KLF8: variants seen among roughly 807,000 people sequenced by gnomAD.
KLF8 encodes KLF transcription factor 8.
KLF8 carries 10 observed loss-of-function variants against 18.2 expected under a neutral mutation model. The observed-to-expected ratio is 0.55, with a 90% CI of 0.34 to 0.93. The LOEUF is 0.93. Ranked by LOEUF, KLF8 falls within the 40% of genes least tolerant of loss-of-function variation. The pLI, the probability that KLF8 is intolerant of heterozygous loss-of-function variation, is 0.02. For synonymous variants in KLF8, 109 were observed against 97.3 expected, an observed-to-expected ratio of 1.12 and a Z score of -0.71; for missense variants, 264 against 277.9, an observed-to-expected ratio of 0.95 and a Z score of 0.36.
At chrX:56,111,925 G>A in the KLF8 span, among the ~76,000 whole-genome samples, 8 of 111,967 alleles carry the variant, frequency 7.1e-5, no homozygotes, top group East Asian at 2.8e-4. Flanking sequence ...ACAGTATGGC[G>A]ATTCCTCAAG....
the KLF8 span, among the ~76,000 whole-genome samples, chrX:56,198,703 T>C: frequency 8.9e-6 from 1 of 112,047 alleles, no homozygotes; most frequent in Non-Finnish European, 1.9e-5. Context: ...CCCATCAAGC[T>C]ACCAAGGACT....
At chrX:56,263,253 G>T (rs1450180971) in intron 2 of KLF8, among the ~76,000 whole-genome samples, 1 of 111,718 alleles carries the variant, frequency 9.0e-6, no homozygotes, top group Non-Finnish European at 1.9e-5. Context: ...GGTTACATTT[G>T]CAGTATGTGA....
chrX:56,198,143 A>G, the KLF8 span, among the ~76,000 whole-genome samples: 4 of 112,121 alleles, frequency 3.6e-5, no homozygotes, highest in East Asian at 2.8e-4. Flanking sequence ...TACTGAATGG[A>G]CAAAAACTGG....
At chrX:55,977,726 G>T in the KLF8 span, among the ~76,000 whole-genome samples, 1 of 111,610 alleles carries the variant, frequency 9.0e-6, no homozygotes, top group Admixed American at 9.6e-5. Context: ...CCATTGGAAG[G>T]TATAAAGAAA....
chrX:56,050,397 G>A, the KLF8 span, among the ~76,000 whole-genome samples: 2 of 111,832 alleles, frequency 1.8e-5, no homozygotes, highest in Non-Finnish European at 3.8e-5. Flanking sequence ...TTTCTCTTGT[G>A]GGCATTTAGT....
chrX:56,234,226 G>T (rs1179373503), intron 1 of KLF8, among the ~76,000 whole-genome samples: 3 of 112,150 alleles, frequency 2.7e-5, no homozygotes, highest in Non-Finnish European at 5.6e-5. Flanking sequence ...TGAGCAAAAA[G>T]AATAATCTTT....
chrX:56,211,037 C>G, the KLF8 span, among the ~76,000 whole-genome samples: 1 of 111,040 alleles, frequency 9.0e-6, no homozygotes, highest in Admixed American at 9.6e-5. Flanking sequence ...CCAGGATTGG[C>G]CATTTAGTTC....
At chrX:56,214,699 C>A in the KLF8 span, among the ~76,000 whole-genome samples, 4 of 112,393 alleles carry the variant, frequency 3.6e-5, no homozygotes, top group Non-Finnish European at 7.5e-5. Context: ...TTAAGCCAAT[C>A]AGTTGTGGTA....
At chrX:55,991,346 G>A in the KLF8 span, among the ~76,000 whole-genome samples, 3 of 112,174 alleles carry the variant, frequency 2.7e-5, no homozygotes, top group Non-Finnish European at 3.8e-5. Flanking sequence ...TTGCTAAGAC[G>A]ATTGGAAGGG....
chrX:56,154,839 A>C, the KLF8 span, among the ~76,000 whole-genome samples: 1 of 112,353 alleles, frequency 8.9e-6, no homozygotes, highest in Non-Finnish European at 1.9e-5. Flanking sequence ...ATGCAGCCAA[A>C]AGACACATGA....
At chrX:56,201,711 A>C in the KLF8 span, among the ~76,000 whole-genome samples, 1 of 111,526 alleles carries the variant, frequency 9.0e-6, no homozygotes, top group African/African-American at 3.3e-5. Flanking sequence ...ACTTATCCTC[A>C]GACTCATTTA....
At chrX:55,933,524 A>G in the KLF8 span, among the ~76,000 whole-genome samples, 1 of 112,594 alleles carries the variant, frequency 8.9e-6, no homozygotes, top group Non-Finnish European at 1.9e-5. Flanking sequence ...GGGATATAAT[A>G]TCACCATCAT....
chrX:56,245,528 C>T (rs903506736), intron 1 of KLF8, among the ~76,000 whole-genome samples: 1 of 111,956 alleles, frequency 8.9e-6, no homozygotes, highest in East Asian at 2.8e-4. Flanking sequence ...GACCCACTGG[C>T]GATGGGACTC....
the KLF8 span, among the ~76,000 whole-genome samples, chrX:56,194,932 G>C: frequency 8.9e-6 from 1 of 112,370 alleles, no homozygotes; most frequent in Non-Finnish European, 1.9e-5. Context: ...TGATACCCAG[G>C]CAAACAGGGT....
chrX:56,076,905 T>C, the KLF8 span, among the ~76,000 whole-genome samples: 1 of 112,417 alleles, frequency 8.9e-6, no homozygotes, highest in Admixed American at 9.4e-5. Context: ...TGGTGAGCAT[T>C]TTTTCATGTG....
the KLF8 span, among the ~76,000 whole-genome samples, chrX:56,053,084 C>A: frequency 8.9e-6 from 1 of 112,293 alleles, no homozygotes; most frequent in Non-Finnish European, 1.9e-5. Flanking sequence ...TCCCTGACCT[C>A]TTGCACTTCC....
the KLF8 span, among the ~76,000 whole-genome samples, chrX:56,106,259 G>A: frequency 1.3e-4 from 15 of 111,464 alleles, no homozygotes; most frequent in South Asian, 5.7e-3. Context: ...TTGAATATTG[G>A]CCTGCCTTGC....
the KLF8 span, among the ~76,000 whole-genome samples, chrX:56,174,330 CT>C: frequency 9.0e-6 from 1 of 111,581 alleles, no homozygotes; most frequent in Non-Finnish European, 1.9e-5. Flanking sequence ...TGTCAAAGGC[CT>C]TTTCTGCATT....
the KLF8 span, among the ~76,000 whole-genome samples, chrX:56,081,058 T>G: frequency 9.0e-6 from 1 of 111,153 alleles, no homozygotes; most frequent in Admixed American, 9.6e-5. Context: ...TTCTAAATTT[T>G]TTTCAAAGTT....
Sources: gnomAD v4.1 joint callset for allele counts (sites outside exome capture counted in the v4.1 genomes callset) on GRCh38, gnomAD v4.1.1 for gene constraint, MANE v1.5 for transcripts, NCBI Gene and HGNC (gene_info 2026-07-23, HGNC 2026-07-21) for gene names.